The following CCDC170 variants were observed in gnomAD, a reference collection of about 807,000 sequenced individuals.
CCDC170 encodes coiled-coil domain containing 170, also known as coiled-coil domain-containing protein 170.
Under a neutral mutation model 72.6 loss-of-function variants are expected in CCDC170, and 69 were observed. That is an observed-to-expected ratio of 0.95 (90% CI 0.78 to 1.16). The LOEUF is 1.16. Among genes scored for constraint, CCDC170 ranks in the 50% most tolerant of loss-of-function variants. The pLI is 0.00. For missense variants in CCDC170, 852 were observed against 832.5 expected, an observed-to-expected ratio of 1.02 and a Z score of -0.29; for synonymous variants, 300 against 303.9, an observed-to-expected ratio of 0.99 and a Z score of 0.13.
chr6:151,620,849 A>G lies in CCDC170; in HGVS notation c.*2702A>G, dbSNP rs1363407920. On this transcript the variant is annotated 3_prime_UTR_variant, in exon 11 of 11. Transcript: ENST00000239374. Reference sequence around the variant, plus strand: ...TTGATATCATTAATTTTATATCAGGATTCATGTAAGAGACTAAAAATGATC... The same window carrying G: ...TTGATATCATTAATTTTATATCAGGGTTCATGTAAGAGACTAAAAATGATC... 2 of 152,048 alleles carry G rather than the reference A, an allele frequency of 1.3e-5. No homozygotes were observed. Among genetic ancestry groups the G allele is most frequent in the Non-Finnish European group, 2.9e-5 (2 of 68,028 alleles). 9.4% of individuals were successfully genotyped at this position (152,048 alleles called of 1,614,324 possible).
At chr6:151,601,395 G>A (rs1776706967) in intron 9 of CCDC170, among the ~76,000 whole-genome samples, 2 of 152,042 alleles carry the variant, frequency 1.3e-5, no homozygotes, top group South Asian at 4.1e-4. Context: ...CTTAGTATGA[G>A]TATACTTAAT....
intron 1 of CCDC170, among the ~76,000 whole-genome samples, chr6:151,527,627 A>T: frequency 6.6e-6 from 1 of 152,122 alleles, no homozygotes; most frequent in East Asian, 1.9e-4. Flanking sequence ...GCTTCTTAGA[A>T]GGAGTTGCTT....
intron 10 of CCDC170, chr6:151,615,933 A>C: frequency 2.8e-6 from 1 of 361,114 alleles, no homozygotes; most frequent in South Asian, 4.4e-5. Context: ...TCTTTTCAAC[A>C]TATCCACCTG....
At chr6:151,574,608 C>T (rs9479074) in intron 6 of CCDC170, among the ~76,000 whole-genome samples, 1,913 of 152,258 alleles carry the variant, frequency 0.013, 37 homozygotes, top group African/African-American at 0.043. Context: ...TGTAGCTAAG[C>T]CCGCGAGCAA....
At chr6:151,509,222 G>GTGTC (rs770676683) in intron 1 of CCDC170, among the ~76,000 whole-genome samples, 6 of 127,344 alleles carry the variant, frequency 4.7e-5, no homozygotes, top group African/African-American at 2.0e-4. Flanking sequence ...ATCTATCTAT[G>GTGTC]TATCTATCTA....
chr6:151,509,823 C>T (rs867167873), intron 1 of CCDC170, among the ~76,000 whole-genome samples: 22 of 152,208 alleles, frequency 1.4e-4, no homozygotes, highest in Middle Eastern at 3.4e-3. Context: ...ATATATGGGA[C>T]AATAACATTG....
chr6:151,513,196 A>C (rs1583003993), intron 1 of CCDC170, among the ~76,000 whole-genome samples: 2 of 152,238 alleles, frequency 1.3e-5, no homozygotes, highest in African/African-American at 4.8e-5. Flanking sequence ...ATTTTAAAAG[A>C]ACACTTGGGG....
intron 1 of CCDC170, among the ~76,000 whole-genome samples, chr6:151,525,197 G>T (rs1271127105): frequency 6.6e-6 from 1 of 152,148 alleles, no homozygotes; most frequent in Non-Finnish European, 1.5e-5. Context: ...CTCCCAAAGT[G>T]CTGGGATTAC....
chr6:151,512,842 C>A (rs914758623), intron 1 of CCDC170, among the ~76,000 whole-genome samples: 6 of 152,076 alleles, frequency 3.9e-5, no homozygotes, highest in African/African-American at 1.4e-4. Flanking sequence ...GATTATTCTT[C>A]GTGTGATAAA....
At chr6:151,613,232 T>C (rs1776902668) in intron 9 of CCDC170, among the ~76,000 whole-genome samples, 1 of 152,068 alleles carries the variant, frequency 6.6e-6, no homozygotes, top group South Asian at 2.1e-4. Flanking sequence ...GGCAATACCA[T>C]ATCTCTACTA....
chr6:151,539,763 G>A (rs1003566589), intron 3 of CCDC170, among the ~76,000 whole-genome samples: 3 of 152,182 alleles, frequency 2.0e-5, no homozygotes, highest in East Asian at 1.9e-4. Context: ...ATCTCTGACA[G>A]GCATCTCAAA....
At chr6:151,497,831 C>T (rs1190781702) in intron 1 of CCDC170, among the ~76,000 whole-genome samples, 1 of 151,594 alleles carries the variant, frequency 6.6e-6, no homozygotes, top group Non-Finnish European at 1.5e-5. Flanking sequence ...CAAAAAGTAG[C>T]CAGGCTTGGT....
chr6:151,532,870 T>C (rs1782510530), intron 1 of CCDC170, among the ~76,000 whole-genome samples: 1 of 152,152 alleles, frequency 6.6e-6, no homozygotes, highest in Non-Finnish European at 1.5e-5. Flanking sequence ...ATTAATGACC[T>C]CAGAGCTGCC....
Position 151,620,241 on chromosome 6 carries a change from AAAAG to A in CCDC170, c.*2099_*2102del, listed in dbSNP as rs1375255872. The A allele has an allele frequency of 6.6e-6, 1 of 151,880 alleles. No homozygotes were observed. The highest frequency in any genetic ancestry group is 1.5e-5 in the Non-Finnish European group (1 of 67,978). The allele number at this position is 151,880 out of a possible 1,614,324, so 9.4% of individuals were successfully genotyped here. On this transcript the variant is annotated 3_prime_UTR_variant, in exon 11 of 11. Transcript: ENST00000239374. ...GAGAAAGAAAGAAACAGAAAAACCT[AAAAG>A]AAAGCGAATGAATTTGACACCTGTT...
At chr6:151,526,607 C>T (rs1782415148) in intron 1 of CCDC170, among the ~76,000 whole-genome samples, 1 of 151,782 alleles carries the variant, frequency 6.6e-6, no homozygotes, top group African/African-American at 2.4e-5. Context: ...ACTCCGCCTC[C>T]TGGGTCCAAG....
rs1409931067 is a variant in CCDC170 at position 151,541,881 on chromosome 6, TATA to T, written c.444-2690_444-2688del. Among the ~76,000 whole-genome samples, 210 of 137,900 alleles carry T rather than the reference TATA, an allele frequency of 1.5e-3. 1 individual carries two copies. Among genetic ancestry groups the T allele is most frequent in the Middle Eastern group, 3.8e-3 (1 of 264 alleles). The allele number at this position is 137,900 out of a possible 152,430, so 90.5% of individuals were successfully genotyped here. On this transcript the variant is annotated intron_variant, in intron 3 of 10. Transcript: ENST00000239374. ...ATAAATATAAATATATATATATATA[TATA>T]TATTTTTTTTTTTAAGACAGAGTCT...
In CCDC170 at chr6:151,615,532, G is replaced by C. The variant is rs747094394; in HGVS notation, c.1800G>C (p.Lys600Asn). The change falls in exon 10 of 11, where the codon AAG becomes AAC. Residue 600 changes from lysine to asparagine, a missense_variant. Physicochemically the swap from Lys to Asn is moderately conservative, Grantham distance 94 (BLOSUM62 0). Coordinates refer to ENST00000239374, the MANE Select transcript of CCDC170 (RefSeq NM_025059.4). ...AGATGAAGGAGAAAGCTGAGAAAAA[G>C]CTCATGTCTGTCAAGTCAGAACTGG... ...LEKMKEKAEK[K>N]LMSVKSELDT... The C allele has an allele frequency of 6.2e-7, 1 of 1,614,090 alleles. No homozygotes were observed. Among genetic ancestry groups the C allele is most frequent in the South Asian group, 1.1e-5 (1 of 91,084 alleles).
intron 1 of CCDC170, among the ~76,000 whole-genome samples, chr6:151,510,938 G>C (rs539882423): frequency 6.6e-6 from 1 of 152,096 alleles, no homozygotes; most frequent in East Asian, 1.9e-4. Flanking sequence ...GTTTCACTAT[G>C]TTGGCCAGGC....
chr6:151,557,746 C>G (rs1024261850), intron 5 of CCDC170, among the ~76,000 whole-genome samples: 1 of 152,182 alleles, frequency 6.6e-6, no homozygotes, highest in Non-Finnish European at 1.5e-5. Context: ...AATAGCCATT[C>G]TAACTGGGGT....
Sources: allele counts gnomAD v4.1 joint callset (sites outside exome capture counted in the v4.1 genomes callset), GRCh38; gene constraint gnomAD v4.1.1; transcripts MANE v1.5; gene names NCBI Gene and HGNC (gene_info 2026-07-23, HGNC 2026-07-21).